GPHN: variants seen among roughly 807,000 people sequenced by gnomAD.
The protein encoded by GPHN is gephyrin.
In GPHN, 17 loss-of-function variants were observed where a neutral mutation model predicts 95.5. The ratio of observed to expected loss-of-function variants is 0.18; its 90% CI spans 0.12 to 0.27. The LOEUF (loss-of-function observed/expected upper bound fraction) is 0.27, where lower values mean the gene tolerates loss of function less well. Among genes scored for constraint, GPHN ranks in the 10% least tolerant of loss-of-function variants. The pLI is 1.00. For synonymous variants in GPHN, 320 were observed against 322.5 expected, an observed-to-expected ratio of 0.99 and a Z score of 0.08; for missense variants, 660 against 978.1, an observed-to-expected ratio of 0.67 and a Z score of 4.34.
chr14:66,671,640 A>G (rs535659638), intron 1 of GPHN, among the ~76,000 whole-genome samples: 5 of 152,300 alleles, frequency 3.3e-5, no homozygotes, highest in Admixed American at 6.5e-5. Flanking sequence ...TTTTAAATGT[A>G]TATGTAAAGG....
chr14:66,957,003 T>G, intron 8 of GPHN, among the ~76,000 whole-genome samples: 1 of 147,212 alleles, frequency 6.8e-6, no homozygotes, highest in East Asian at 2.1e-4. Context: ...CTGGGAGATA[T>G]ACCTAATGCT....
chr14:67,130,879 C>T (rs961767590), intron 17 of GPHN, among the ~76,000 whole-genome samples: 4 of 152,136 alleles, frequency 2.6e-5, no homozygotes, highest in Non-Finnish European at 5.9e-5. Context: ...TATCCCTAAA[C>T]ATATGTTCAT....
the GPHN span, chr14:67,651,464 A>G: frequency 6.2e-7 from 1 of 1,613,908 alleles, no homozygotes; most frequent in Non-Finnish European, 8.5e-7. Flanking sequence ...GGAAAGCAGC[A>G]GCTTGTTGGT....
At chr14:66,785,806 A>C (rs2059755567) in intron 3 of GPHN, among the ~76,000 whole-genome samples, 1 of 152,030 alleles carries the variant, frequency 6.6e-6, no homozygotes, top group Admixed American at 6.5e-5. Flanking sequence ...TACTCTAGTA[A>C]ATAATCAAAT....
At chr14:67,042,058 TG>T (rs1374571875) in intron 10 of GPHN, among the ~76,000 whole-genome samples, 13 of 151,864 alleles carry the variant, frequency 8.6e-5, no homozygotes, top group African/African-American at 1.2e-4. Context: ...CATTTTTTGA[TG>T]GGTTTTTTTT....
intron 4 of GPHN, among the ~76,000 whole-genome samples, chr14:66,840,353 C>G (rs544168081): frequency 6.6e-6 from 1 of 152,130 alleles, no homozygotes; most frequent in East Asian, 1.9e-4. Context: ...CAAACATTTA[C>G]CATGGACAAT....
chr14:67,729,106 C>T, the GPHN span: 2 of 1,369,248 alleles, frequency 1.5e-6, no homozygotes, highest in African/African-American at 2.8e-5. Context: ...CCCTCCTTCT[C>T]ACTTGTGTAT....
At chr14:66,887,648 A>G (rs1002433108) in intron 5 of GPHN, among the ~76,000 whole-genome samples, 2 of 152,114 alleles carry the variant, frequency 1.3e-5, no homozygotes, top group Non-Finnish European at 2.9e-5. Context: ...CCACCACATT[A>G]CTAGAGGCCT....
intron 2 of GPHN, among the ~76,000 whole-genome samples, chr14:66,719,455 C>T (rs2070520959): frequency 6.6e-6 from 1 of 152,190 alleles, no homozygotes. Context: ...CCCTTTCCCA[C>T]TTTCTCAGTT....
At chr14:67,657,836 C>A in the GPHN span, among the ~76,000 whole-genome samples, 1 of 149,688 alleles carries the variant, frequency 6.7e-6, no homozygotes, top group Non-Finnish European at 1.5e-5. Context: ...GCAGCCTCTG[C>A]CTCCCGGGCA....
the GPHN span, among the ~76,000 whole-genome samples, chr14:67,688,622 G>A: frequency 6.7e-6 from 1 of 150,180 alleles, no homozygotes; most frequent in Admixed American, 6.6e-5. Context: ...TTTGGTAGAG[G>A]AGATGAGGTC....
intron 4 of GPHN, among the ~76,000 whole-genome samples, chr14:66,872,025 C>A (rs2063459925): frequency 6.6e-6 from 1 of 152,142 alleles, no homozygotes; most frequent in Admixed American, 6.6e-5. Flanking sequence ...TTTAAAATGT[C>A]TCCCATTGTT....
the GPHN span, chr14:67,714,815 C>A: frequency 6.6e-6 from 1 of 152,212 alleles, no homozygotes; most frequent in African/African-American, 2.4e-5. Context: ...CCAATAAGCC[C>A]AGGCCTTACA....
intron 12 of GPHN, among the ~76,000 whole-genome samples, chr14:67,095,966 C>CAAAAAAAAAAAAAAAAAAAAAAAAAAA: frequency 1.5e-5 from 1 of 67,084 alleles, no homozygotes; most frequent in African/African-American, 4.4e-5. Context: ...AAGAAAAAGG[C>CAAAAAAAAAAAAAAAAAAAAAAAAAAA]AAAAAAAAAA....
the GPHN span, among the ~76,000 whole-genome samples, chr14:67,564,444 G>A: frequency 6.6e-6 from 1 of 152,064 alleles, no homozygotes; most frequent in African/African-American, 2.4e-5. Context: ...CAAGCTGGGC[G>A]ATGGGCACGT....
At chr14:67,361,147 A>G in the GPHN span, among the ~76,000 whole-genome samples, 2 of 152,202 alleles carry the variant, frequency 1.3e-5, no homozygotes, top group African/African-American at 4.8e-5. Context: ...ATAAGGATAT[A>G]TTTTCGGGTT....
chr14:67,712,788 A>G, the GPHN span, among the ~76,000 whole-genome samples: 5 of 152,192 alleles, frequency 3.3e-5, no homozygotes, highest in African/African-American at 1.2e-4. Context: ...TAGCTATTGA[A>G]CTACAGGGTG....
chr14:66,700,935 A>AT (rs1243606745), intron 2 of GPHN, among the ~76,000 whole-genome samples: 1 of 151,832 alleles, frequency 6.6e-6, no homozygotes, highest in East Asian at 1.9e-4. Context: ...AAAAAACTAT[A>AT]TTATTTCTCA....
the GPHN span, among the ~76,000 whole-genome samples, chr14:67,618,010 C>T: frequency 5.3e-5 from 8 of 152,164 alleles, no homozygotes; most frequent in East Asian, 1.6e-3. Context: ...TGAGCCACCG[C>T]GCCCAGCGGA....
Sources: allele counts gnomAD v4.1 joint callset (sites outside exome capture counted in the v4.1 genomes callset), GRCh38; gene constraint gnomAD v4.1.1; transcripts MANE v1.5; gene names NCBI Gene and HGNC (gene_info 2026-07-23, HGNC 2026-07-21).